The following FRMPD4 variants were observed in gnomAD, a reference collection of about 807,000 sequenced individuals.
The protein encoded by FRMPD4 is FERM and PDZ domain-containing protein 4.
A neutral mutation model predicts 94.1 loss-of-function variants in FRMPD4; 22 were observed. That is an observed-to-expected ratio of 0.23 (90% CI 0.17 to 0.33). The LOEUF (loss-of-function observed/expected upper bound fraction) is 0.33. Ranked by LOEUF, FRMPD4 falls within the 10% of genes least tolerant of loss-of-function variation. The pLI, the probability that FRMPD4 is intolerant of heterozygous loss-of-function variation, is 1.00. For synonymous variants in FRMPD4, 631 were observed against 548.6 expected, an observed-to-expected ratio of 1.15 and a Z score of -2.10; for missense variants, 1,111 against 1,339.9, an observed-to-expected ratio of 0.83 and a Z score of 2.67.
intron 2 of FRMPD4, among the ~76,000 whole-genome samples, chrX:12,596,530 G>A (rs2059032687): frequency 9.1e-6 from 1 of 109,521 alleles, no homozygotes; most frequent in African/African-American, 3.3e-5. Context: ...TGCTTGAGTG[G>A]GTCTGAACAA....
At chrX:12,532,318 C>A (rs894767238) in intron 2 of FRMPD4, among the ~76,000 whole-genome samples, 1 of 111,684 alleles carries the variant, frequency 9.0e-6, no homozygotes, top group Admixed American at 9.5e-5. Flanking sequence ...CTCATATCTT[C>A]ATTATATGTT....
intron 3 of FRMPD4, among the ~76,000 whole-genome samples, chrX:12,026,978 C>T (rs2054664754): frequency 8.9e-6 from 1 of 111,859 alleles, no homozygotes; most frequent in Non-Finnish European, 1.9e-5. Flanking sequence ...TTTGTGTTCA[C>T]TCTCCCATAT....
intron 2 of FRMPD4, among the ~76,000 whole-genome samples, chrX:12,583,162 T>C (rs966225175): frequency 8.9e-6 from 1 of 112,853 alleles, no homozygotes; most frequent in Non-Finnish European, 1.9e-5. Context: ...TTGGTCACTA[T>C]GAGAACATAT....
intron 3 of FRMPD4, among the ~76,000 whole-genome samples, chrX:12,010,011 A>G (rs2054573364): frequency 8.9e-6 from 1 of 112,056 alleles, no homozygotes; most frequent in South Asian, 3.7e-4. Context: ...TACTAACTAG[A>G]TGTATATACA....
intron 2 of FRMPD4, among the ~76,000 whole-genome samples, chrX:12,574,703 G>A (rs1354363604): frequency 9.0e-6 from 1 of 111,049 alleles, no homozygotes; most frequent in East Asian, 2.8e-4. Context: ...TCGCCATGCT[G>A]CCCAGGCTGG....
At chrX:12,673,285 C>T (rs746531492) in intron 4 of FRMPD4, among the ~76,000 whole-genome samples, 14 of 112,055 alleles carry the variant, frequency 1.2e-4, no homozygotes, top group Admixed American at 6.6e-4. Flanking sequence ...TGCCTGTGAA[C>T]GAGGAAAACT....
At chrX:11,918,229 T>C (rs1183020706) in intron 3 of FRMPD4, among the ~76,000 whole-genome samples, 4 of 113,113 alleles carry the variant, frequency 3.5e-5, no homozygotes, top group Admixed American at 2.8e-4. Context: ...GTTGTGCAAA[T>C]TGAGTTATTA....
At chrX:12,482,063 G>A (rs767908922) in intron 1 of FRMPD4, among the ~76,000 whole-genome samples, 10 of 104,323 alleles carry the variant, frequency 9.6e-5, no homozygotes, top group South Asian at 4.7e-4. Context: ...CATCCTTATC[G>A]TCTTCACGTT....
chrX:12,620,907 C>A lies in FRMPD4; in HGVS notation c.422+6026C>A, dbSNP rs1359583165. Among the ~76,000 whole-genome samples the A allele has an allele frequency of 6.2e-5, 7 of 112,248 alleles. No individual in the cohort carries two copies. In the East Asian group the frequency reaches 1.9e-3, roughly 31 times the overall value. On this transcript the variant is annotated intron_variant, in intron 4 of 16. Transcript: ENST00000675598. ...AAGGTATTTACTAGCTGAAACCAGT[C>A]TATAAAGACCAGCCTATAAAGACTG... is the stretch of plus-strand genomic sequence containing the variant.
rs182599786 is a variant in FRMPD4, at chrX:12,066,318, G to A, written c.95+188300G>A. Among the ~76,000 whole-genome samples, 12 of 111,891 alleles carry A rather than the reference G, an allele frequency of 1.1e-4. No individual in the cohort carries two copies. In the East Asian group the frequency reaches 3.1e-3, roughly 29 times the overall value. On this transcript the variant is annotated intron_variant, in intron 3 of 18. Transcript: ENST00000640291. The stretch of plus-strand genomic sequence containing the variant: ...ATGTGGCACTAATATCAGATTTGAA[G>A]GGGTGTTACCTAGGAAACAAATCAA...
At chrX:12,666,150 C>T (rs2059776244) in intron 4 of FRMPD4, among the ~76,000 whole-genome samples, 1 of 108,780 alleles carries the variant, frequency 9.2e-6, no homozygotes. Context: ...TAAAAATAGA[C>T]TTTAAACCAA....
chrX:12,180,345 A>G (rs1348420909), intron 1 of FRMPD4, among the ~76,000 whole-genome samples: 2 of 111,855 alleles, frequency 1.8e-5, no homozygotes, highest in African/African-American at 6.5e-5. Context: ...CTCTTTTGAC[A>G]TTTCTTGTCT....
intron 3 of FRMPD4, among the ~76,000 whole-genome samples, chrX:11,906,763 A>G (rs1321118370): frequency 9.0e-6 from 1 of 110,875 alleles, no homozygotes; most frequent in Non-Finnish European, 1.9e-5. Flanking sequence ...GTGTATTTTT[A>G]AACTTGAGAA....
intron 2 of FRMPD4, among the ~76,000 whole-genome samples, chrX:12,589,790 T>A (rs1186347691): frequency 8.9e-6 from 1 of 112,035 alleles, no homozygotes. Flanking sequence ...GTTCGATTTA[T>A]CTCCAGATGT....
intron 3 of FRMPD4, among the ~76,000 whole-genome samples, chrX:12,096,856 C>T (rs1299565570): frequency 9.0e-6 from 1 of 111,428 alleles, no homozygotes; most frequent in African/African-American, 3.3e-5. Flanking sequence ...CACTGCACTC[C>T]AGCCTGGGTG....
chrX:11,875,583 C>G (rs181851491), intron 2 of FRMPD4, among the ~76,000 whole-genome samples: 1 of 112,049 alleles, frequency 8.9e-6, no homozygotes, highest in Non-Finnish European at 1.9e-5. Context: ...CCAAGGCCAA[C>G]AAGCTTCCTC....
chrX:12,474,112 G>C (rs1327501529), intron 1 of FRMPD4, among the ~76,000 whole-genome samples: 1 of 110,088 alleles, frequency 9.1e-6, no homozygotes, highest in African/African-American at 3.4e-5. Context: ...ATAACAAATG[G>C]TCTGTGAGAC....
intron 1 of FRMPD4, among the ~76,000 whole-genome samples, chrX:12,244,623 A>G (rs1049348749): frequency 1.8e-5 from 2 of 112,081 alleles, no homozygotes; most frequent in Admixed American, 9.4e-5. Context: ...TGTAGCCTGT[A>G]AAGTCTAAAA....
At chrX:12,658,056 A>G (rs971242450) in intron 4 of FRMPD4, among the ~76,000 whole-genome samples, 3 of 111,851 alleles carry the variant, frequency 2.7e-5, no homozygotes, top group Non-Finnish European at 5.6e-5. Context: ...TTCTTGTGTC[A>G]TAGAAAGGAA....
Sources: gnomAD v4.1 joint callset for allele counts (sites outside exome capture counted in the v4.1 genomes callset) on GRCh38, gnomAD v4.1.1 for gene constraint, MANE v1.5 for transcripts, NCBI Gene and HGNC (gene_info 2026-07-23, HGNC 2026-07-21) for gene names.